PKHD1: variants seen among roughly 807,000 people sequenced by gnomAD.
The protein encoded by PKHD1 is fibrocystin.
A neutral mutation model predicts 412.0 loss-of-function variants in PKHD1; 291 were observed. The ratio of observed to expected loss-of-function variants is 0.71; its 90% CI spans 0.64 to 0.78. The LOEUF is 0.78. PKHD1 is among the 30% of genes least tolerant of loss of function. PKHD1 has a pLI of 0.00. For missense variants in PKHD1, 4,825 were observed against 4,950.7 expected (o/e 0.97, Z 0.76); for synonymous variants, 1,777 against 1,821.5 (o/e 0.98, Z 0.62).
At position 51,855,873 on chromosome 6, in the gene PKHD1, T is replaced by C. The variant is rs1426863892; in HGVS notation, c.7911+20A>G. ...ACAAATGAGAATGCAGCATACCAAC[T>C]AATGGATTCCTTGGGTTACCTGCAG... On this transcript the variant is annotated intron_variant, in intron 49 of 66. Transcript: ENST00000371117. 6 of 1,572,188 alleles carry C rather than the reference T, an allele frequency of 3.8e-6. No individual in the cohort carries two copies. The highest frequency in any genetic ancestry group is 4.4e-6 in the Non-Finnish European group (5 of 1,141,940).
rs1337422225 is a variant in PKHD1 at position 51,659,386 on chromosome 6, T to C, written c.10740A>G (p.Ile3580Met). 3.1e-6 allele frequency: 5 copies of C among 1,613,570 alleles called. No homozygotes were observed. In the African/African-American group the frequency reaches 4.0e-5, roughly 13 times the overall value. ...GTAAGAAGTTAGTTAGTCTTTCGAG[T>C]ATTACTATTTCCCAGCCTTTTTCTA... is the stretch of plus-strand genomic sequence containing the variant. ...SVLEKGWEIV[I>M]LERLTNFLQI... Residue 3580 changes from isoleucine (I) to methionine (M), a missense_variant, in exon 61 of 67, where the codon ATA becomes ATG. Ile to Met is a conservative substitution (Grantham distance 10). Coordinates refer to ENST00000371117, the MANE Select transcript of PKHD1 (RefSeq NM_138694.4).
rs1207379694 is a variant in PKHD1, at chr6:51,748,359, A to T, written c.9257T>A (p.Val3086Glu). Residue 3086 changes from valine to glutamate, a missense_variant, in exon 58 of 67, where the codon GTA becomes GAA. By Grantham distance (121) the Val-to-Glu change is moderately radical. Coordinates refer to ENST00000371117, the MANE Select transcript of PKHD1 (RefSeq NM_138694.4). ...IWVAGIKVNQ[V>E]KDINLHGNVV... ...GTTGCCATGGAGGTTGATGTCCTTT[A>T]CCTGGTTCACTTTGATTCCCGCCAC... is the stretch of plus-strand genomic sequence containing the variant. The T allele has an allele frequency of 6.2e-7, 1 of 1,613,906 alleles. No homozygotes were observed. The highest frequency in any genetic ancestry group is 1.3e-5 in the African/African-American group (1 of 74,900).
rs910822563 is a variant in PKHD1 at position 51,902,255 on chromosome 6, G to A, written c.6996+1342C>T. ...GGCACATAGGAACTCTTTTATTTAC[G>A]CAGCTTCTTGTAAGTCTGAAATTAT... is the stretch of plus-strand genomic sequence containing the variant. On this transcript the variant is annotated intron_variant, in intron 43 of 66. Coordinates refer to ENST00000371117, the MANE Select transcript of PKHD1 (RefSeq NM_138694.4). Among the ~76,000 whole-genome samples, 13 of 152,186 alleles carry A rather than the reference G, an allele frequency of 8.5e-5. No homozygotes were observed. The East Asian group carries it at 2.1e-3, about 25-fold the overall frequency.
At chr6:51,624,221 C>T (rs1766975475) in intron 66 of PKHD1, among the ~76,000 whole-genome samples, 1 of 152,032 alleles carries the variant, frequency 6.6e-6, no homozygotes, top group Non-Finnish European at 1.5e-5. Flanking sequence ...ATACCAGGCT[C>T]TTCATCTTAT....
At chr6:52,003,037 T>A (rs1798627862) in intron 35 of PKHD1, among the ~76,000 whole-genome samples, 1 of 152,142 alleles carries the variant, frequency 6.6e-6, no homozygotes, top group Non-Finnish European at 1.5e-5. Flanking sequence ...TTTGGGAGTT[T>A]AAATATTTAA....
chr6:51,688,497 A>C (rs1254323405), intron 60 of PKHD1, among the ~76,000 whole-genome samples: 1 of 152,040 alleles, frequency 6.6e-6, no homozygotes, highest in Non-Finnish European at 1.5e-5. Flanking sequence ...ACTGAAAGAG[A>C]TAGAAACACA....
rs187259269 is a variant in PKHD1, at chr6:51,695,303, T to C, written c.10157-35334A>G. ...ATATCTTGTTATTCTCAAGTATAAA[T>C]TGAAGCTTTCAACTTGTCTTTATAA... On this transcript the variant is annotated intron_variant, in intron 60 of 66. Transcript: ENST00000371117. Among the ~76,000 whole-genome samples the C allele has an allele frequency of 1.5e-4, 23 of 152,294 alleles. 1 individual carries two copies. The highest frequency in any genetic ancestry group is 5.2e-4 in the Admixed American group (8 of 15,294).
At chr6:51,784,454 A>G (rs1424343558) in intron 53 of PKHD1, among the ~76,000 whole-genome samples, 1 of 152,182 alleles carries the variant, frequency 6.6e-6, no homozygotes, top group East Asian at 1.9e-4. Flanking sequence ...ACAATCACAG[A>G]GATTTGCAAC....
chr6:51,818,519 A>G (rs1167872937), intron 52 of PKHD1, among the ~76,000 whole-genome samples: 1 of 152,214 alleles, frequency 6.6e-6, no homozygotes, highest in Non-Finnish European at 1.5e-5. Context: ...TTTCTTGGGC[A>G]TGCCCTCTTG....
At chr6:51,820,824 C>T (rs1766277076) in intron 52 of PKHD1, among the ~76,000 whole-genome samples, 1 of 152,158 alleles carries the variant, frequency 6.6e-6, no homozygotes, top group Non-Finnish European at 1.5e-5. Context: ...CATGAGGAAA[C>T]TCCAAAAGCT....
At chr6:51,941,416 C>G (rs900637046) in intron 36 of PKHD1, among the ~76,000 whole-genome samples, 3 of 149,200 alleles carry the variant, frequency 2.0e-5, no homozygotes, top group African/African-American at 7.4e-5. Flanking sequence ...CCACCGCGCC[C>G]GGCTAATTTT....
At chr6:52,053,927 T>C in intron 20 of PKHD1, 111 bp downstream of exon 20, 2 of 1,097,510 alleles carry the variant, frequency 1.8e-6, no homozygotes, top group Non-Finnish European at 1.4e-6. Context: ...CAAATTAGTG[T>C]ATGAGGCCCA....
chr6:51,705,620 G>C (rs1779927387), intron 60 of PKHD1, among the ~76,000 whole-genome samples: 1 of 152,050 alleles, frequency 6.6e-6, no homozygotes, highest in Non-Finnish European at 1.5e-5. Flanking sequence ...TCTGGAAAAT[G>C]TCTCTCCCAT....
At chr6:51,925,421 A>G (rs1251314373) in intron 37 of PKHD1, among the ~76,000 whole-genome samples, 2 of 149,586 alleles carry the variant, frequency 1.3e-5, no homozygotes, top group Non-Finnish European at 3.0e-5. Flanking sequence ...AACTTTAGCT[A>G]AATGTAAATT....
At chr6:51,746,922 T>TA in intron 58 of PKHD1, 33 bp from the exon 59 acceptor site, 1 of 1,270,432 alleles carries the variant, frequency 7.9e-7, no homozygotes. Context: ...CATAATATTA[T>TA]ATCATATAAA....
intron 52 of PKHD1, among the ~76,000 whole-genome samples, chr6:51,802,158 A>AGTATTGGGACTTTTGATAG (rs1763025151): frequency 6.6e-6 from 1 of 151,908 alleles, no homozygotes; most frequent in African/African-American, 2.4e-5. Flanking sequence ...GACTTCAAAG[A>AGTATTGGGACTTTTGATAG]AATCAGAGTG....
chr6:51,943,633 T>C (rs968484309), intron 36 of PKHD1, among the ~76,000 whole-genome samples: 1 of 151,672 alleles, frequency 6.6e-6, no homozygotes, highest in Non-Finnish European at 1.5e-5. Context: ...AAGCACTCTC[T>C]AGTTAGATGT....
At chr6:51,626,908 G>T in intron 66 of PKHD1, 89 bp downstream of exon 66, 1 of 1,398,690 alleles carries the variant, frequency 7.1e-7, no homozygotes, top group Non-Finnish European at 1.0e-6. Flanking sequence ...AAACCAAATT[G>T]CTTCAGAGAC....
chr6:52,014,832 G>A (rs577126186), intron 34 of PKHD1, among the ~76,000 whole-genome samples: 260 of 151,932 alleles, frequency 1.7e-3, no homozygotes, highest in African/African-American at 5.6e-3. Flanking sequence ...ATGGACGGAC[G>A]AATAGACAGG....
Sources: gnomAD v4.1 joint callset for allele counts (sites outside exome capture counted in the v4.1 genomes callset) on GRCh38, gnomAD v4.1.1 for gene constraint, MANE v1.5 for transcripts, NCBI Gene and HGNC (gene_info 2026-07-23, HGNC 2026-07-21) for gene names.